The following MARS1 variants were observed in gnomAD, a reference collection of about 807,000 sequenced individuals.
The protein encoded by MARS1 is methionyl-tRNA synthetase 1.
MARS1 carries 80 observed loss-of-function variants against 119.5 expected under a neutral mutation model. The ratio of observed to expected loss-of-function variants is 0.67; its 90% confidence interval spans 0.56 to 0.81. The LOEUF is 0.81. MARS1 is among the 30% of genes least tolerant of loss of function. MARS1 has a pLI of 0.00. For missense variants in MARS1, 945 were observed against 1,116.5 expected (o/e 0.85, Z 2.19); for synonymous variants, 418 against 433.4 (o/e 0.96, Z 0.44).
intron 7 of MARS1, among the ~76,000 whole-genome samples, chr12:57,496,406 G>A (rs1483372447): frequency 1.2e-4 from 17 of 147,514 alleles, no homozygotes; most frequent in East Asian, 4.1e-4. Flanking sequence ...CTCGTGATCC[G>A]CCTGCCTGAG....
intron 11 of MARS1, among the ~76,000 whole-genome samples, chr12:57,508,678 G>GAGAGGC (rs1565648949): frequency 2.1e-5 from 3 of 145,346 alleles, no homozygotes; most frequent in African/African-American, 7.7e-5. Flanking sequence ...AGACCGTGGG[G>GAGAGGC]AGAGGTAGAG....
rs758920180 is a variant in MARS1, at chr12:57,511,990, C to T, written c.1540-18C>T. ...TTTGGATTGGTCCCTAACATGTTTA[C>T]CTCCTTCTGACCTCCAGGTATTCTA... is the stretch of plus-strand genomic sequence containing the variant. On this transcript the variant is annotated intron_variant, in intron 12 of 20. Coordinates refer to ENST00000262027, the MANE Select transcript of MARS1 (RefSeq NM_004990.4). The T allele has an allele frequency of 5.0e-6, 8 of 1,612,274 alleles. No homozygotes were observed. The East Asian group carries it at 8.9e-5, about 18-fold the overall frequency.
At chr12:57,497,676 A>C (rs956570502) in intron 7 of MARS1, among the ~76,000 whole-genome samples, 1 of 152,154 alleles carries the variant, frequency 6.6e-6, no homozygotes, top group Non-Finnish European at 1.5e-5. Context: ...GAGTCGGTAC[A>C]AAAGGACTTG....
intron 1 of MARS1, chr12:57,488,722 G>A (rs1265224293): frequency 3.5e-6 from 5 of 1,420,824 alleles, no homozygotes; most frequent in Non-Finnish European, 4.9e-6. Context: ...TAATTATGAA[G>A]ATATCCCAGT....
intron 11 of MARS1, among the ~76,000 whole-genome samples, chr12:57,510,855 G>A (rs919420837): frequency 5.9e-5 from 9 of 152,062 alleles, no homozygotes; most frequent in African/African-American, 1.9e-4. Flanking sequence ...CGGGAGAATT[G>A]CTTGACCCCA....
chr12:57,516,086 CT>C, intron 19 of MARS1, 95 bp downstream of exon 19: 1 of 1,436,240 alleles, frequency 7.0e-7, no homozygotes, highest in Non-Finnish European at 9.8e-7. Context: ...CTCTTTCCAT[CT>C]TTTGGCCCTG....
chr12:57,489,824 G>A (rs1875789352), intron 4 of MARS1, 72 bp from the exon 5 acceptor site: 1 of 1,381,548 alleles, frequency 7.2e-7, no homozygotes, highest in African/African-American at 1.4e-5. Context: ...CTCAGTAAAT[G>A]TTAGATATTA....
chr12:57,507,986 C>T (rs941251477), intron 11 of MARS1, among the ~76,000 whole-genome samples: 6 of 147,338 alleles, frequency 4.1e-5, no homozygotes, highest in Admixed American at 6.7e-5. Context: ...TTCTCAGACG[C>T]GGCGGCCGGG....
At chr12:57,490,720 T>C in intron 7 of MARS1, 76 bp downstream of exon 7, 1 of 1,185,516 alleles carries the variant, frequency 8.4e-7, no homozygotes, top group Non-Finnish European at 1.3e-6. Flanking sequence ...ACCTGCCTGC[T>C]AGGTCCCGTT....
At position 57,511,838 on chromosome 12, in the gene MARS1, C is replaced by A; in HGVS notation, c.1509C>A (p.Thr503=). The A allele has an allele frequency of 6.2e-7, 1 of 1,614,124 alleles. No individual in the cohort carries two copies. The highest frequency in any genetic ancestry group is 1.1e-5 in the South Asian group (1 of 91,078). Residue 503 remains threonine, a synonymous_variant, in exon 12 of 21, where the codon ACC becomes ACA. Transcript: ENST00000262027. ...RCITRDLKWG[T]PVPLEGFEDK... Reference sequence around the variant, plus strand: ...TAACCCGAGACCTCAAATGGGGAACCCCTGTACCCTTAGAAGGTTTTGAAG... The same window carrying A: ...TAACCCGAGACCTCAAATGGGGAACACCTGTACCCTTAGAAGGTTTTGAAG...
intron 11 of MARS1, among the ~76,000 whole-genome samples, chr12:57,506,733 G>A (rs1391007603): frequency 6.6e-6 from 1 of 151,348 alleles, no homozygotes. Flanking sequence ...CTGTAGTGCA[G>A]TGTTGTGATT....
chr12:57,490,389 A>G lies in MARS1; in HGVS notation c.663+10A>G, dbSNP rs1565637687. On this transcript the variant is annotated intron_variant, in intron 6 of 20. Coordinates refer to ENST00000262027, the MANE Select transcript of MARS1 (RefSeq NM_004990.4). Reference sequence around the variant, plus strand: ...CACCAATGAGCCTGAGGTTTGGAATAGGGCAGAGCCTTGGGGCCTGAGGTG... The same window carrying G: ...CACCAATGAGCCTGAGGTTTGGAATGGGGCAGAGCCTTGGGGCCTGAGGTG... The G allele has an allele frequency of 6.2e-7, 1 of 1,612,396 alleles. No homozygotes were observed. Among genetic ancestry groups the G allele is most frequent in the South Asian group, 1.1e-5 (1 of 91,002 alleles).
rs371088092 is a variant in MARS1, at chr12:57,515,301, C to T, written c.2356C>T (p.Leu786=). Residue 786 remains leucine (L), a synonymous_variant, in exon 18 of 21, where the codon CTG becomes TTG. Transcript: ENST00000262027. ...PACSILLTNF[L]CTLPAGHQIG... ...CTGCAGTATCCTGCTGACAAACTTC[C>T]TGTGTACCTTACCAGCAGGACACCA... The T allele has an allele frequency of 2.0e-5, 33 of 1,613,518 alleles. No individual in the cohort carries two copies. The highest frequency in any genetic ancestry group is 2.7e-5 in the Non-Finnish European group (32 of 1,180,044).
chr12:57,504,199 C>G, intron 10 of MARS1, 26 bp from the exon 11 acceptor site: 1 of 1,584,804 alleles, frequency 6.3e-7, no homozygotes, highest in South Asian at 1.1e-5. Context: ...CAGGCCTGAT[C>G]TGTCCTCTGG....
chr12:57,511,575 T>C, intron 11 of MARS1, 123 bp from the exon 12 acceptor site: 1 of 935,554 alleles, frequency 1.1e-6, no homozygotes, highest in Non-Finnish European at 1.6e-6. Flanking sequence ...AGAGCAAGAC[T>C]CTGTCTCCAA....
chr12:57,512,727 TCTCA>T lies in MARS1; in HGVS notation c.1754-19_1754-16del, dbSNP rs779104226. ...GAAGGATGTGATGTGAGCAGATGGT[TCTCA>T]CTCATTCTCCTCTGTCCAGAGTACC... On this transcript the variant is annotated intron_variant, in intron 14 of 20. Transcript: ENST00000262027. The T allele has an allele frequency of 1.9e-6, 3 of 1,567,024 alleles. No individual in the cohort carries two copies. The highest frequency in any genetic ancestry group is 1.1e-5 in the South Asian group (1 of 90,152).
chr12:57,513,932 G>A (rs1243050234), intron 15 of MARS1, among the ~76,000 whole-genome samples: 2 of 150,992 alleles, frequency 1.3e-5, no homozygotes, highest in Non-Finnish European at 2.9e-5. Context: ...GCGTGGTGGC[G>A]CACATCTGTA....
rs746357597 is a variant in MARS1, at chr12:57,514,985, A to G, written c.2131A>G (p.Ile711Val). The G allele has an allele frequency of 1.5e-5, 24 of 1,613,976 alleles. No individual in the cohort carries two copies. The highest frequency in any genetic ancestry group is 2.2e-5 in the East Asian group (1 of 44,900). The part of the protein sequence containing the change: ...IRDALRSILT[I>V]SRHGNQYIQV... ...GGATGCCTTGCGCAGTATCCTCACC[A>G]TATCTCGACATGGCAACCAATATAT... The change falls in exon 17 of 21, where the codon ATA (isoleucine) becomes GTA (valine). Residue 711 changes from isoleucine to valine, a missense_variant. By Grantham distance (29) the Ile-to-Val change is conservative (BLOSUM62 3). Transcript: ENST00000262027.
rs773985407 is a variant in MARS1 at position 57,511,819 on chromosome 12, G to A, written c.1490G>A (p.Arg497Gln). Residue 497 changes from arginine to glutamine, a missense_variant, in exon 12 of 21, where the codon CGA (arginine) becomes CAA (glutamine). Arg to Gln is a conservative substitution (Grantham distance 43). Transcript: ENST00000262027. Reference protein sequence around the residue: ...RDGLKPRCITRDLKWGTPVPL... With the variant: ...RDGLKPRCITQDLKWGTPVPL... ...GGCCTCAAGCCACGCTGCATAACCCGAGACCTCAAATGGGGAACCCCTGTA... is the reference window on the plus strand; with the variant it reads ...GGCCTCAAGCCACGCTGCATAACCCAAGACCTCAAATGGGGAACCCCTGTA... The A allele has an allele frequency of 5.6e-6, 9 of 1,614,170 alleles. No homozygotes were observed. The highest frequency in any genetic ancestry group is 5.0e-5 in the Admixed American group (3 of 60,018).
Sources: gnomAD v4.1 joint callset for allele counts (sites outside exome capture counted in the v4.1 genomes callset) on GRCh38, gnomAD v4.1.1 for gene constraint, MANE v1.5 for transcripts, NCBI Gene and HGNC (gene_info 2026-07-23, HGNC 2026-07-21) for gene names.